Variants in MBNL2 observed in about 807,000 individuals in gnomAD.
The protein encoded by MBNL2 is muscleblind-like protein 2.
In MBNL2, 17 loss-of-function variants were observed where a neutral mutation model predicts 41.9. That is an observed-to-expected ratio of 0.41 (90% CI 0.28 to 0.61). The LOEUF (loss-of-function observed/expected upper bound fraction) is 0.61. Ranked by LOEUF, MBNL2 falls within the 20% of genes least tolerant of loss-of-function variation. The probability of loss-of-function intolerance (pLI) is 0.35; values close to 1 mark genes in which losing one functional copy is unlikely to be tolerated. For synonymous variants in MBNL2, 195 were observed against 182.9 expected, an observed-to-expected ratio of 1.07 and a Z score of -0.53; for missense variants, 336 against 505.6, an observed-to-expected ratio of 0.66 and a Z score of 3.22.
intron 1 of MBNL2, among the ~76,000 whole-genome samples, chr13:97,248,349 C>T (rs2045886992): frequency 6.6e-6 from 1 of 152,212 alleles, no homozygotes; most frequent in Non-Finnish European, 1.5e-5. Context: ...GTTGGCCAGG[C>T]TGGTCTTGAA....
At chr13:97,259,552 G>A (rs928779671) in intron 1 of MBNL2, among the ~76,000 whole-genome samples, 1 of 152,162 alleles carries the variant, frequency 6.6e-6, no homozygotes, top group Non-Finnish European at 1.5e-5. Context: ...CCCCGATTCA[G>A]ATGCTCCTTT....
intron 8 of MBNL2, among the ~76,000 whole-genome samples, chr13:97,371,371 G>T (rs1490840542): frequency 6.6e-6 from 1 of 152,016 alleles, no homozygotes; most frequent in African/African-American, 2.4e-5. Flanking sequence ...AATTCTACAA[G>T]GACTTTGCAC....
At chr13:97,290,200 AAAC>A (rs1338620158) in intron 2 of MBNL2, among the ~76,000 whole-genome samples, 1 of 152,228 alleles carries the variant, frequency 6.6e-6, no homozygotes, top group Non-Finnish European at 1.5e-5. Context: ...TAGCAAAAGT[AAAC>A]AAACTAATAA....
At chr13:97,207,943 T>A in the MBNL2 span, among the ~76,000 whole-genome samples, 6 of 152,188 alleles carry the variant, frequency 3.9e-5, no homozygotes, top group African/African-American at 1.4e-4. Context: ...AGCAGGGTAG[T>A]CAAATCTTAA....
intron 2 of MBNL2, among the ~76,000 whole-genome samples, chr13:97,285,273 A>G (rs985139822): frequency 2.6e-5 from 4 of 152,220 alleles, no homozygotes; most frequent in African/African-American, 9.6e-5. Context: ...GTGTCTCACA[A>G]GCAAATGTTC....
At chr13:97,340,195 C>CA (rs2153077556) in intron 3 of MBNL2, among the ~76,000 whole-genome samples, 1 of 152,342 alleles carries the variant, frequency 6.6e-6, no homozygotes, top group African/African-American at 2.4e-5. Context: ...ATAATATTAA[C>CA]ACGGAGTGAG....
At chr13:97,357,102 G>A (rs900509121) in intron 6 of MBNL2, among the ~76,000 whole-genome samples, 1 of 152,036 alleles carries the variant, frequency 6.6e-6, no homozygotes, top group Non-Finnish European at 1.5e-5. Flanking sequence ...ATTATAATTC[G>A]TATTAACCTT....
the MBNL2 span, among the ~76,000 whole-genome samples, chr13:97,178,800 G>C: frequency 3.9e-5 from 6 of 152,150 alleles, no homozygotes; most frequent in Non-Finnish European, 8.8e-5. Context: ...GGGAGGCTGA[G>C]GTGGAAGGAT....
chr13:97,208,441 C>T, the MBNL2 span, among the ~76,000 whole-genome samples: 1 of 152,176 alleles, frequency 6.6e-6, no homozygotes, highest in Non-Finnish European at 1.5e-5. Context: ...TTTTGTGGAA[C>T]CCACAGCTTG....
intron 1 of MBNL2, among the ~76,000 whole-genome samples, chr13:97,252,101 C>G (rs1300046958): frequency 6.6e-6 from 1 of 151,808 alleles, no homozygotes; most frequent in Non-Finnish European, 1.5e-5. Flanking sequence ...CCACCCGCCT[C>G]GGCCTCCCAA....
chr13:97,362,465 G>A (rs2063489697), intron 7 of MBNL2, among the ~76,000 whole-genome samples: 1 of 152,138 alleles, frequency 6.6e-6, no homozygotes, highest in East Asian at 1.9e-4. Flanking sequence ...AAAAGAGTGG[G>A]GTGAAGATTA....
At chr13:97,299,208 C>G (rs2057361831) in intron 2 of MBNL2, among the ~76,000 whole-genome samples, 2 of 152,058 alleles carry the variant, frequency 1.3e-5, no homozygotes, top group South Asian at 4.2e-4. Context: ...AACATTCTTT[C>G]TGTGTTAATT....
intron 3 of MBNL2, among the ~76,000 whole-genome samples, chr13:97,336,102 C>A (rs1477744981): frequency 6.6e-6 from 1 of 152,130 alleles, no homozygotes; most frequent in African/African-American, 2.4e-5. Flanking sequence ...CGAGAGAATC[C>A]CATCCCTGCT....
At chr13:97,316,516 C>G (rs148369969) in intron 2 of MBNL2, among the ~76,000 whole-genome samples, 136 of 152,358 alleles carry the variant, frequency 8.9e-4, no homozygotes, top group Non-Finnish European at 1.6e-3. Context: ...TCTCAGAACT[C>G]CTTTCCAGCT....
At chr13:97,275,150 A>G (rs2051929885) in intron 1 of MBNL2, among the ~76,000 whole-genome samples, 1 of 152,216 alleles carries the variant, frequency 6.6e-6, no homozygotes, top group Admixed American at 6.5e-5. Flanking sequence ...CTACCTACCC[A>G]TCTCCAAGTC....
At chr13:97,233,700 C>T (rs994929242) in intron 1 of MBNL2, among the ~76,000 whole-genome samples, 1 of 151,254 alleles carries the variant, frequency 6.6e-6, no homozygotes, top group African/African-American at 2.4e-5. Flanking sequence ...TTAAAGTTCC[C>T]TGGTGCAAGT....
intron 1 of MBNL2, among the ~76,000 whole-genome samples, chr13:97,226,114 C>T (rs1272173226): frequency 1.3e-5 from 2 of 152,052 alleles, no homozygotes; most frequent in African/African-American, 4.8e-5. Context: ...GTGGCTGGGT[C>T]TGCATCAGGC....
At chr13:97,360,107 G>A (rs755151240) in intron 7 of MBNL2, among the ~76,000 whole-genome samples, 2 of 152,044 alleles carry the variant, frequency 1.3e-5, no homozygotes, top group South Asian at 4.1e-4. Flanking sequence ...ATTATAACTT[G>A]GTACATAGAG....
chr13:97,312,563 C>T (rs1019820960), intron 2 of MBNL2, among the ~76,000 whole-genome samples: 1 of 152,078 alleles, frequency 6.6e-6, no homozygotes. Context: ...CTCCAAGAAA[C>T]GAGTCTATAA....
Sources: gnomAD v4.1 joint callset for allele counts (sites outside exome capture counted in the v4.1 genomes callset) on GRCh38, gnomAD v4.1.1 for gene constraint, MANE v1.5 for transcripts, NCBI Gene and HGNC (gene_info 2026-07-23, HGNC 2026-07-21) for gene names.